The following GUCY1A2 variants were observed in gnomAD, a reference collection of about 807,000 sequenced individuals.
GUCY1A2 encodes the protein guanylate cyclase 1 soluble subunit alpha 2, also known as guanylate cyclase soluble subunit alpha-2.
In GUCY1A2, 27 loss-of-function variants were observed where a neutral mutation model predicts 63.5. The ratio of observed to expected loss-of-function variants is 0.43; its 90% CI spans 0.31 to 0.59. The LOEUF (loss-of-function observed/expected upper bound fraction) is 0.59, where lower values mean the gene tolerates loss of function less well. Among genes scored for constraint, GUCY1A2 ranks in the 20% least tolerant of loss-of-function variants. GUCY1A2 has a pLI of 0.11. For missense variants in GUCY1A2, 768 were observed against 913.3 expected (o/e 0.84, Z 2.05); for synonymous variants, 364 against 343.5 (o/e 1.06, Z -0.66).
rs552953189 is a variant in GUCY1A2 at position 106,855,316 on chromosome 11, A to G, written c.1207-44838T>C. Among the ~76,000 whole-genome samples, 74 of 152,234 alleles carry G rather than the reference A, an allele frequency of 4.9e-4. 1 individual carries two copies. Among genetic ancestry groups the G allele is most frequent in the Middle Eastern group, 3.4e-3 (1 of 294 alleles). ...ATCTCTCACCTACCTTTTCCCCACA[A>G]TGAAGACACCTTCCTCATTCCAAAC... On this transcript the variant is annotated intron_variant, in intron 4 of 7. Coordinates refer to ENST00000526355, the MANE Select transcript of GUCY1A2 (RefSeq NM_000855.3).
intron 6 of GUCY1A2, among the ~76,000 whole-genome samples, chr11:106,718,680 A>G (rs1455854349): frequency 6.6e-6 from 1 of 152,148 alleles, no homozygotes; most frequent in Non-Finnish European, 1.5e-5. Context: ...CAACTGAGAT[A>G]CTTAGATTGA....
Position 106,685,625 on chromosome 11 carries a change from C to G in GUCY1A2, c.*1924G>C, listed in dbSNP as rs1862512841. ...CCCCATGCTCCAGTGCTACAAGGAGCCCATCAACATTGCTAAGGCATTTTC... is the reference window on the plus strand; with the variant it reads ...CCCCATGCTCCAGTGCTACAAGGAGGCCATCAACATTGCTAAGGCATTTTC... On this transcript the variant is annotated 3_prime_UTR_variant, in exon 8 of 8. Coordinates refer to ENST00000526355, the MANE Select transcript of GUCY1A2 (RefSeq NM_000855.3). 1 of 227,960 alleles carries G rather than the reference C, an allele frequency of 4.4e-6. No homozygotes were observed. The highest frequency in any genetic ancestry group is 5.7e-5 in the Admixed American group (1 of 17,578). 14.1% of individuals were successfully genotyped at this position (227,960 alleles called of 1,614,324 possible). A position where few individuals can be genotyped will look rare whatever the true frequency, so the allele number is the denominator to read the frequency against.
chr11:106,689,601 G>A (rs1333566479), intron 7 of GUCY1A2, among the ~76,000 whole-genome samples: 5 of 151,960 alleles, frequency 3.3e-5, no homozygotes, highest in East Asian at 1.9e-4. Flanking sequence ...AAGCCAACAC[G>A]TATATGAAAA....
At chr11:106,809,955 T>A (rs1858742259) in intron 5 of GUCY1A2, 38 bp downstream of exon 5, 1 of 1,340,028 alleles carries the variant, frequency 7.5e-7, no homozygotes, top group Admixed American at 2.2e-5. Context: ...AATTTACTAT[T>A]AAAAAACATT....
At chr11:106,727,173 C>T (rs1294618351) in intron 6 of GUCY1A2, among the ~76,000 whole-genome samples, 1 of 152,134 alleles carries the variant, frequency 6.6e-6, no homozygotes, top group East Asian at 1.9e-4. Context: ...GATATCAACG[C>T]AAATCTGTTA....
chr11:106,866,108 T>C (rs1267072343), intron 4 of GUCY1A2, among the ~76,000 whole-genome samples: 1 of 151,948 alleles, frequency 6.6e-6, no homozygotes. Flanking sequence ...GCAGTGTATG[T>C]GGTGCAAAAA....
chr11:106,686,446 A>T lies in GUCY1A2; in HGVS notation c.*1103T>A. ...TCCTTGCTTTGTGTTGTACAAGAAG[A>T]AACAACATTCTTGGCAAACTGTCCT... On this transcript the variant is annotated 3_prime_UTR_variant, in exon 8 of 8. Transcript: ENST00000526355. 4.6e-6 allele frequency: 1 copy of T among 218,584 alleles called. No homozygotes were observed. Among genetic ancestry groups the T allele is most frequent in the Non-Finnish European group, 9.2e-6 (1 of 108,756 alleles). The allele number at this position is 218,584 out of a possible 1,614,324, so 13.5% of individuals were successfully genotyped here. A position where few individuals can be genotyped will look rare whatever the true frequency, so the allele number is the denominator to read the frequency against.
chr11:106,726,928 A>T (rs1863418715), intron 6 of GUCY1A2, among the ~76,000 whole-genome samples: 1 of 152,206 alleles, frequency 6.6e-6, no homozygotes, highest in Admixed American at 6.5e-5. Context: ...ACCAAAGAGT[A>T]TGTGGCATGG....
intron 4 of GUCY1A2, among the ~76,000 whole-genome samples, chr11:106,832,383 T>C (rs1331512881): frequency 6.6e-6 from 1 of 152,184 alleles, no homozygotes; most frequent in East Asian, 1.9e-4. Context: ...AGAGACTTTA[T>C]TTCTTTTTGA....
Position 106,687,756 on chromosome 11 carries a change from T to C in GUCY1A2, c.1992A>G (p.Gln664=). The C allele has an allele frequency of 6.3e-7, 1 of 1,598,294 alleles. No homozygotes were observed. Among genetic ancestry groups the C allele is most frequent in the Non-Finnish European group, 8.6e-7 (1 of 1,165,654 alleles). ...RRINVSPTTY[Q]LLKREESFTF... ...TGAAACTTTCTTCTCGTTTTAATAA[T>C]CTAAGAAGAAAATACAGAGCACATG... Residue 664 remains glutamine (Q), a splice_region_variant and synonymous_variant, in exon 8 of 8, where the codon CAA becomes CAG. Coordinates refer to ENST00000526355, the MANE Select transcript of GUCY1A2 (RefSeq NM_000855.3).
At chr11:106,795,914 A>T (rs1864749992) in intron 5 of GUCY1A2, among the ~76,000 whole-genome samples, 1 of 152,062 alleles carries the variant, frequency 6.6e-6, no homozygotes, top group African/African-American at 2.4e-5. Context: ...GGGGTGTTAA[A>T]ATCTCCCACT....
At chr11:106,739,161 A>G (rs2135377396) in intron 6 of GUCY1A2, among the ~76,000 whole-genome samples, 1 of 152,236 alleles carries the variant, frequency 6.6e-6, no homozygotes, top group South Asian at 2.1e-4. Flanking sequence ...GCAATTGTGA[A>G]TGGGAGTTCA....
At chr11:106,770,385 C>A (rs1864235704) in intron 6 of GUCY1A2, among the ~76,000 whole-genome samples, 1 of 152,066 alleles carries the variant, frequency 6.6e-6, no homozygotes, top group Non-Finnish European at 1.5e-5. Flanking sequence ...ACATTTTTGA[C>A]CCACAGTTGG....
chr11:106,990,666 G>A (rs1861459738), intron 1 of GUCY1A2, among the ~76,000 whole-genome samples: 1 of 152,244 alleles, frequency 6.6e-6, no homozygotes, highest in Non-Finnish European at 1.5e-5. Flanking sequence ...CAATTTTACA[G>A]AGATGAAGAA....
At chr11:106,877,076 C>T (rs1273329280) in intron 4 of GUCY1A2, among the ~76,000 whole-genome samples, 1 of 152,056 alleles carries the variant, frequency 6.6e-6, no homozygotes, top group Admixed American at 6.6e-5. Context: ...GCAAAGGACA[C>T]AAGCAGCCTT....
chr11:106,909,537 C>T (rs939651835), intron 4 of GUCY1A2, among the ~76,000 whole-genome samples: 3 of 151,840 alleles, frequency 2.0e-5, no homozygotes, highest in African/African-American at 7.3e-5. Flanking sequence ...TCCCCTTAAC[C>T]TTAACCCATG....
intron 4 of GUCY1A2, among the ~76,000 whole-genome samples, chr11:106,901,155 G>A (rs1052133339): frequency 4.6e-5 from 7 of 152,092 alleles, no homozygotes; most frequent in South Asian, 4.1e-4. Flanking sequence ...TTTCAACAAC[G>A]TTCACACATC....
chr11:106,819,572 A>G (rs924287796), intron 4 of GUCY1A2, among the ~76,000 whole-genome samples: 18 of 152,194 alleles, frequency 1.2e-4, no homozygotes, highest in African/African-American at 4.1e-4. Context: ...AATCATTAGC[A>G]TTTTTAGCAA....
chr11:106,725,177 T>A, intron 6 of GUCY1A2, among the ~76,000 whole-genome samples: 1 of 28,564 alleles, frequency 3.5e-5, no homozygotes, highest in African/African-American at 1.8e-4. Context: ...TTTTTTTTTT[T>A]TTTTTTTTTT....
Sources: gnomAD v4.1 joint callset for allele counts (sites outside exome capture counted in the v4.1 genomes callset) on GRCh38, gnomAD v4.1.1 for gene constraint, MANE v1.5 for transcripts, NCBI Gene and HGNC (gene_info 2026-07-23, HGNC 2026-07-21) for gene names.